The following ZZEF1 variants were observed in gnomAD, a reference collection of about 807,000 sequenced individuals.
ZZEF1 encodes the protein zinc finger ZZ-type and EF-hand domain containing 1, also known as zinc finger ZZ-type and EF-hand domain-containing protein 1.
ZZEF1 carries 157 observed loss-of-function variants against 342.8 expected under a neutral mutation model. The ratio of observed to expected loss-of-function variants is 0.46; its 90% CI spans 0.40 to 0.52. The LOEUF (loss-of-function observed/expected upper bound fraction) is 0.52. Ranked by LOEUF, ZZEF1 falls within the 20% of genes least tolerant of loss-of-function variation. The pLI is 0.00. For synonymous variants in ZZEF1, 1,505 were observed against 1,429.1 expected (o/e 1.05, Z -1.20); for missense variants, 3,480 against 3,725.6 (o/e 0.93, Z 1.72).
intron 42 of ZZEF1, 144 bp from the exon 43 acceptor site, chr17:4,025,262 G>C: frequency 1.3e-6 from 1 of 776,170 alleles, no homozygotes; most frequent in Non-Finnish European, 2.0e-6. Context: ...AGCCAATAAA[G>C]CCAGCTTGCA....
At chr17:4,111,596 T>C (rs1256626448) in intron 5 of ZZEF1, among the ~76,000 whole-genome samples, 1 of 147,200 alleles carries the variant, frequency 6.8e-6, no homozygotes, top group African/African-American at 2.5e-5. Flanking sequence ...GAGGTGGAGG[T>C]TGCAGTGAGC....
intron 1 of ZZEF1, among the ~76,000 whole-genome samples, chr17:4,137,421 TA>T (rs1232162371): frequency 2.6e-5 from 4 of 152,092 alleles, no homozygotes; most frequent in Admixed American, 2.0e-4. Flanking sequence ...CCATCCTGGC[TA>T]ACACGGTGAA....
At chr17:4,087,783 A>AACACACAC (rs10522603) in intron 13 of ZZEF1, among the ~76,000 whole-genome samples, 5,651 of 145,926 alleles carry the variant, frequency 0.039, 130 homozygotes, top group Non-Finnish European at 0.044. Context: ...ATATACACAC[A>AACACACAC]ACACACACAC....
Position 4,014,350 on chromosome 17 carries a change from G to C in ZZEF1, c.8311C>G (p.Pro2771Ala), listed in dbSNP as rs1285827788. The change falls in exon 50 of 55, where the codon CCA becomes GCA. Residue 2771 changes from proline to alanine, a missense_variant. Coordinates refer to ENST00000381638, the MANE Select transcript of ZZEF1 (RefSeq NM_015113.4). The surrounding 1 kb of genome is among the most constrained non-coding windows in gnomAD (Gnocchi z 4.4). ...AATCGAGTATTTGTTTCACTACCTGGAAGTTCAAAATCTTTCCACTTCTGC... is the reference window on the plus strand; with the variant it reads ...AATCGAGTATTTGTTTCACTACCTGCAAGTTCAAAATCTTTCCACTTCTGC... ...SQQKWKDFEL[P>A]GDTLYYRFTS... 6.2e-7 allele frequency: 1 copy of C among 1,614,152 alleles called. No individual in the cohort carries two copies. The highest frequency in any genetic ancestry group is 1.7e-5 in the Admixed American group (1 of 60,016).
At chr17:4,083,229 G>A (rs1032033061) in intron 16 of ZZEF1, among the ~76,000 whole-genome samples, 11 of 152,246 alleles carry the variant, frequency 7.2e-5, no homozygotes, top group Non-Finnish European at 1.6e-4. Context: ...TTCTCAGCAT[G>A]AGAAGACACC....
Position 4,036,419 on chromosome 17 carries a change from T to C in ZZEF1, c.6307-2127A>G, listed in dbSNP as rs910444733. Among the ~76,000 whole-genome samples the C allele has an allele frequency of 6.6e-5, 10 of 152,146 alleles. No homozygotes were observed. The East Asian group carries it at 1.2e-3, about 18-fold the overall frequency. Reference sequence around the variant, plus strand: ...CTCAAGGCACTGTCAAATAGCCATATTGGATACCTTCAGTTTGAGAATCAC... The same window carrying C: ...CTCAAGGCACTGTCAAATAGCCATACTGGATACCTTCAGTTTGAGAATCAC... On this transcript the variant is annotated intron_variant, in intron 39 of 54. Transcript: ENST00000381638.
At chr17:4,086,390 G>GGGGATTCCCACAGCGGCAATCC (rs2057825393) in intron 15 of ZZEF1, 96 bp downstream of exon 15, 17 of 1,231,078 alleles carry the variant, frequency 1.4e-5, no homozygotes, top group East Asian at 2.6e-5. Flanking sequence ...TCCCTTTCTG[G>GGGGATTCCCACAGCGGCAATCC]CTCGCATCAT....
At chr17:4,101,741 C>T (rs1471061978) in intron 9 of ZZEF1, among the ~76,000 whole-genome samples, 1 of 152,156 alleles carries the variant, frequency 6.6e-6, no homozygotes, top group Non-Finnish European at 1.5e-5. Context: ...ATTCTCATGC[C>T]TCAGCCTCCC....
chr17:4,142,390 TAA>T, intron 1 of ZZEF1, 150 bp downstream of exon 1: 1 of 827,956 alleles, frequency 1.2e-6, no homozygotes, highest in Non-Finnish European at 1.8e-6. Context: ...TAACATAGGT[TAA>T]AGAGAAACGA....
Position 4,109,649 on chromosome 17 carries a change from T to G in ZZEF1, c.1277+4A>C. On this transcript the variant is annotated splice_donor_region_variant and intron_variant, in intron 6 of 54. Transcript: ENST00000381638. The stretch of plus-strand genomic sequence containing the variant: ...GGGGCTGGAACATAGAGAGAATGAC[T>G]TACTGAGTATTGTGCAGCACTGTCT... 1 of 1,614,002 alleles carries G rather than the reference T, an allele frequency of 6.2e-7. No individual in the cohort carries two copies. Among genetic ancestry groups the G allele is most frequent in the Non-Finnish European group, 8.5e-7 (1 of 1,179,930 alleles).
chr17:4,025,195 T>C, intron 42 of ZZEF1, 77 bp from the exon 43 acceptor site: 8 of 1,354,540 alleles, frequency 5.9e-6, no homozygotes, highest in Non-Finnish European at 8.3e-6. Context: ...TCTTCTATAG[T>C]AACATGCCTT....
At chr17:4,096,133 T>C (rs985176983) in intron 10 of ZZEF1, among the ~76,000 whole-genome samples, 154 bp from the exon 11 acceptor site, 1 of 152,158 alleles carries the variant, frequency 6.6e-6, no homozygotes, top group Non-Finnish European at 1.5e-5. Flanking sequence ...AAGAAAGCTG[T>C]TTCCCAAGAA....
At chr17:4,106,311 GTTTC>G (rs1484631467) in intron 6 of ZZEF1, among the ~76,000 whole-genome samples, 3 of 151,936 alleles carry the variant, frequency 2.0e-5, no homozygotes, top group African/African-American at 7.3e-5. Flanking sequence ...GTGTTTGTTT[GTTTC>G]TTTCTTTCTT....
At chr17:4,138,527 G>A (rs192006946) in intron 1 of ZZEF1, among the ~76,000 whole-genome samples, 17 of 152,214 alleles carry the variant, frequency 1.1e-4, no homozygotes, top group Admixed American at 1.0e-3. Flanking sequence ...AACTTCTACA[G>A]TCTCCCAAAG....
chr17:4,021,222 C>A lies in ZZEF1; in HGVS notation c.7311G>T (p.Glu2437Asp). 1 of 1,614,224 alleles carries A rather than the reference C, an allele frequency of 6.2e-7. No homozygotes were observed. The highest frequency in any genetic ancestry group is 8.5e-7 in the Non-Finnish European group (1 of 1,180,048). The change falls in exon 45 of 55, where the codon GAG becomes GAT. Residue 2437 changes from glutamate (E) to aspartate (D), a missense_variant. Glu to Asp is a conservative substitution (Grantham distance 45, BLOSUM62 2). Transcript: ENST00000381638. ...ELDERGDREE[E>D]VERPVSSPGD... ...CAGGGCTGCTGACTGGCCGTTCCAC[C>A]TCTTCCTCTCGGTCCCCTCGCTCAT...
chr17:4,114,491 G>T (rs1178246689), intron 3 of ZZEF1, 21 bp from the exon 4 acceptor site: 1 of 1,456,104 alleles, frequency 6.9e-7, no homozygotes, highest in South Asian at 1.5e-5. Context: ...AACCAGAGTT[G>T]ATTATATGAC....
intron 13 of ZZEF1, among the ~76,000 whole-genome samples, chr17:4,087,782 CA>C (rs2057862318): frequency 1.2e-5 from 1 of 81,976 alleles, no homozygotes; most frequent in Non-Finnish European, 2.4e-5. Flanking sequence ...TATATACACA[CA>C]ACACACACAC....
chr17:4,090,662 A>T (rs1235098226), intron 12 of ZZEF1, 57 bp downstream of exon 12: 2 of 1,389,202 alleles, frequency 1.4e-6, no homozygotes, highest in Admixed American at 1.7e-5. Context: ...CACAATCACT[A>T]CTCAAAAAAC....
rs1342100421 is a variant in ZZEF1, at chr17:4,005,020, C to G, written c.*1870G>C. Reference sequence around the variant, plus strand: ...GGCCACTGCCATAGGGGAGGTGACTCCGGCCCTACCGCCCGCTTTACTCGG... The same window carrying G: ...GGCCACTGCCATAGGGGAGGTGACTGCGGCCCTACCGCCCGCTTTACTCGG... On this transcript the variant is annotated 3_prime_UTR_variant, in exon 55 of 55. Transcript: ENST00000381638. 6.6e-6 allele frequency: 1 copy of G among 152,252 alleles called. No homozygotes were observed. The highest frequency in any genetic ancestry group is 1.5e-5 in the Non-Finnish European group (1 of 68,094). 9.4% of individuals were successfully genotyped at this position (152,252 alleles called of 1,614,324 possible).
Sources: gnomAD v4.1 joint callset for allele counts (sites outside exome capture counted in the v4.1 genomes callset) on GRCh38, gnomAD v4.1.1 for gene constraint, Gnocchi (gnomAD v3.1) non-coding constraint, MANE v1.5 for transcripts, NCBI Gene and HGNC (gene_info 2026-07-23, HGNC 2026-07-21) for gene names.